The following MED13L variants were observed in gnomAD, a reference collection of about 807,000 sequenced individuals.
The protein encoded by MED13L is mediator of RNA polymerase II transcription subunit 13-like.
MED13L carries 7 observed loss-of-function variants against 220.9 expected under a neutral mutation model. That is an observed-to-expected ratio of 0.03 (90% CI 0.02 to 0.06). The LOEUF (loss-of-function observed/expected upper bound fraction) is 0.06. MED13L is among the 10% of genes least tolerant of loss of function. The pLI, the probability that MED13L is intolerant of heterozygous loss-of-function variation, is 1.00. For synonymous variants in MED13L, 1,011 were observed against 1,015.2 expected, an observed-to-expected ratio of 1.00 and a Z score of 0.08; for missense variants, 1,965 against 2,760.5, an observed-to-expected ratio of 0.71 and a Z score of 6.46.
rs74522846 is a variant in MED13L, at chr12:116,122,977, G to C, written c.311-11465C>G. ...ACTTTAATAGCTGCACACTGAAAAAGAAATCTTGCACAATGGCTGTTATTG... is the reference window on the plus strand; with the variant it reads ...ACTTTAATAGCTGCACACTGAAAAACAAATCTTGCACAATGGCTGTTATTG... On this transcript the variant is annotated intron_variant, in intron 2 of 30. Coordinates refer to ENST00000281928, the MANE Select transcript of MED13L (RefSeq NM_015335.5). Among the ~76,000 whole-genome samples, 1,263 of 152,254 alleles carry C rather than the reference G, an allele frequency of 8.3e-3. 24 individuals are homozygous for C. Among genetic ancestry groups the C allele is most frequent in the African/African-American group, 0.029 (1,192 of 41,550 alleles).
At chr12:115,973,840 T>C (rs934222314) in intron 25 of MED13L, among the ~76,000 whole-genome samples, 1 of 152,328 alleles carries the variant, frequency 6.6e-6, no homozygotes, top group South Asian at 2.1e-4. Context: ...CTTAAAAAAT[T>C]TGTAAATGCC....
chr12:116,086,241 G>A (rs541654165), intron 4 of MED13L, among the ~76,000 whole-genome samples: 6 of 150,856 alleles, frequency 4.0e-5, no homozygotes, highest in South Asian at 4.2e-4. Context: ...CACAGTTTCC[G>A]TAAAATGTAG....
At chr12:116,265,612 A>G (rs1872774972) in intron 1 of MED13L, among the ~76,000 whole-genome samples, 1 of 152,240 alleles carries the variant, frequency 6.6e-6, no homozygotes, top group Admixed American at 6.5e-5. Context: ...TGCGTAATAT[A>G]GCACTTTTTT....
intron 23 of MED13L, among the ~76,000 whole-genome samples, chr12:115,977,773 G>A (rs1877036061): frequency 6.6e-6 from 1 of 152,176 alleles, no homozygotes; most frequent in Non-Finnish European, 1.5e-5. Flanking sequence ...GAGTCAGGCA[G>A]AATGCTTGAG....
intron 2 of MED13L, among the ~76,000 whole-genome samples, chr12:116,175,380 A>G (rs1879973014): frequency 6.6e-6 from 1 of 152,180 alleles, no homozygotes; most frequent in South Asian, 2.1e-4. Context: ...CCCTGACCCT[A>G]AAAACATTCT....
intron 2 of MED13L, among the ~76,000 whole-genome samples, chr12:116,165,156 T>C (rs942794679): frequency 2.0e-5 from 3 of 151,398 alleles, no homozygotes; most frequent in Non-Finnish European, 2.9e-5. Flanking sequence ...TTCAGACTCC[T>C]GACACAAAAA....
intron 7 of MED13L, among the ~76,000 whole-genome samples, chr12:116,017,406 G>A (rs1879789657): frequency 6.6e-6 from 1 of 152,190 alleles, no homozygotes; most frequent in African/African-American, 2.4e-5. Context: ...ATAACTTAAT[G>A]TAGTGCAATT....
At chr12:116,000,212 C>T (rs1157859621) in intron 14 of MED13L, among the ~76,000 whole-genome samples, 1 of 152,132 alleles carries the variant, frequency 6.6e-6, no homozygotes, top group Non-Finnish European at 1.5e-5. Context: ...CAAAGGGAAT[C>T]GGACTCAAAG....
intron 2 of MED13L, among the ~76,000 whole-genome samples, chr12:116,161,478 AT>A (rs1412671502): frequency 6.6e-6 from 1 of 152,222 alleles, no homozygotes; most frequent in Non-Finnish European, 1.5e-5. Context: ...GCTCCAAAAA[AT>A]ATCAATAAGA....
In MED13L at chr12:116,087,738, T is replaced by C. The variant is rs187078490; in HGVS notation, c.479+8931A>G. Among the ~76,000 whole-genome samples, 272 of 152,108 alleles carry C rather than the reference T, an allele frequency of 1.8e-3. 1 individual carries two copies. Among genetic ancestry groups the C allele is most frequent in the Middle Eastern group, 3.4e-3 (1 of 294 alleles). On this transcript the variant is annotated intron_variant, in intron 4 of 30. Coordinates refer to ENST00000281928, the MANE Select transcript of MED13L (RefSeq NM_015335.5). ...TCTCATTTCTCATCATCCTACCTCA[T>C]TCTGCAAAAAAAAGTTCATAAGGGC...
intron 2 of MED13L, among the ~76,000 whole-genome samples, chr12:116,158,898 A>C (rs929844524): frequency 6.6e-6 from 1 of 152,208 alleles, no homozygotes; most frequent in African/African-American, 2.4e-5. Flanking sequence ...ACTAGTGAGC[A>C]GTTCAACTGT....
rs958651759 is a variant in MED13L at position 116,007,344 on chromosome 12, C to T, written c.2238+67G>A. 1.4e-5 allele frequency: 20 copies of T among 1,452,762 alleles called. No homozygotes were observed. The African/African-American group carries it at 2.5e-4, about 18-fold the overall frequency. 90.0% of individuals were successfully genotyped at this position (1,452,762 alleles called of 1,614,324 possible). A position where few individuals can be genotyped will look rare whatever the true frequency, so the allele number is the denominator to read the frequency against. ...AAACGTTCTGCCTCCAAAGTCTTCCCACACATGTTGTACTGACATAGATAG... is the reference window on the plus strand; with the variant it reads ...AAACGTTCTGCCTCCAAAGTCTTCCTACACATGTTGTACTGACATAGATAG... On this transcript the variant is annotated intron_variant, in intron 11 of 30. Coordinates refer to ENST00000281928, the MANE Select transcript of MED13L (RefSeq NM_015335.5).
intron 9 of MED13L, among the ~76,000 whole-genome samples, chr12:116,012,585 G>C (rs923769235): frequency 6.6e-6 from 1 of 152,086 alleles, no homozygotes; most frequent in African/African-American, 2.4e-5. Flanking sequence ...AAAAGTTGTG[G>C]GAGCAATATG....
intron 1 of MED13L, among the ~76,000 whole-genome samples, chr12:116,260,627 G>C (rs1018867312): frequency 6.6e-6 from 1 of 152,136 alleles, no homozygotes; most frequent in African/African-American, 2.4e-5. Flanking sequence ...ACAAAAATTT[G>C]AAAGAAACCA....
rs1869901977 is a variant in MED13L, at chr12:116,066,108, CACAT to C, written c.479+30557_479+30560del. Among the ~76,000 whole-genome samples the C allele has an allele frequency of 2.0e-5, 3 of 152,196 alleles. No individual in the cohort carries two copies. The South Asian group carries it at 6.2e-4, about 31-fold the overall frequency. ...TGTCTTTGACTCTCTCTCTCTCACA[CACAT>C]ACATACACACACACACGTGTGCACA... On this transcript the variant is annotated intron_variant, in intron 4 of 30. Coordinates refer to ENST00000281928, the MANE Select transcript of MED13L (RefSeq NM_015335.5).
At chr12:115,978,873 T>C (rs2137257177) in intron 23 of MED13L, among the ~76,000 whole-genome samples, 1 of 152,360 alleles carries the variant, frequency 6.6e-6, no homozygotes, top group East Asian at 1.9e-4. Context: ...TTGGATTTAT[T>C]TGAAAACTTG....
intron 3 of MED13L, among the ~76,000 whole-genome samples, chr12:116,099,969 A>C (rs1036731482): frequency 6.6e-6 from 1 of 152,184 alleles, no homozygotes; most frequent in African/African-American, 2.4e-5. Flanking sequence ...GTCACAAATA[A>C]CTTAGATGAT....
Position 115,996,458 on chromosome 12 carries a change from C to T in MED13L, c.2996+18G>A, listed in dbSNP as rs1255371604. ...TGCATCAAATATGGCAAGTAAATGACACAATCCCTATACATACTTGTAGCC... is the reference window on the plus strand; with the variant it reads ...TGCATCAAATATGGCAAGTAAATGATACAATCCCTATACATACTTGTAGCC... On this transcript the variant is annotated intron_variant, in intron 16 of 30. Coordinates refer to ENST00000281928, the MANE Select transcript of MED13L (RefSeq NM_015335.5). 6.2e-7 allele frequency: 1 copy of T among 1,602,978 alleles called. No individual in the cohort carries two copies.
chr12:116,178,512 T>C (rs1593133816), intron 2 of MED13L, among the ~76,000 whole-genome samples: 1 of 152,186 alleles, frequency 6.6e-6, no homozygotes. Context: ...TCATTTAAAA[T>C]GAAAAACAGC....
Sources: gnomAD v4.1 joint callset for allele counts (sites outside exome capture counted in the v4.1 genomes callset) on GRCh38, gnomAD v4.1.1 for gene constraint, MANE v1.5 for transcripts, NCBI Gene and HGNC (gene_info 2026-07-23, HGNC 2026-07-21) for gene names.